Variants in SUN1 observed in about 807,000 individuals in gnomAD.
SUN1 encodes the protein Sad1 and UNC84 domain containing 1, also known as SUN domain-containing protein 1.
A neutral mutation model predicts 103.2 loss-of-function variants in SUN1; 61 were observed. That is an observed-to-expected ratio of 0.59 (90% CI 0.48 to 0.73). The LOEUF (loss-of-function observed/expected upper bound fraction) is 0.73. SUN1 is among the 30% of genes least tolerant of loss of function. The probability of loss-of-function intolerance (pLI) is 0.00; values close to 1 mark genes in which losing one functional copy is unlikely to be tolerated. For synonymous variants in SUN1, 490 were observed against 425.7 expected, an observed-to-expected ratio of 1.15 and a Z score of -1.86; for missense variants, 1,052 against 1,034.6, an observed-to-expected ratio of 1.02 and a Z score of -0.23.
At chr7:856,437 G>T (rs1435999968) in intron 12 of SUN1, 36 bp downstream of exon 12, 39 of 1,610,720 alleles carry the variant, frequency 2.4e-5, no homozygotes, top group Non-Finnish European at 3.2e-5. Context: ...TTTTGTCTTC[G>T]GTGTGTGTGT....
intron 5 of SUN1, chr7:850,296 TC>T: frequency 2.3e-6 from 1 of 426,354 alleles, no homozygotes; most frequent in East Asian, 4.8e-5. Context: ...CCTCCAGAGT[TC>T]AAGCAATTCT....
chr7:824,796 A>C (rs1183451135), intron 1 of SUN1, among the ~76,000 whole-genome samples: 1 of 151,360 alleles, frequency 6.6e-6, no homozygotes, highest in East Asian at 2.0e-4. Flanking sequence ...GCTAGGAACT[A>C]TCTGTCGATA....
chr7:850,811 C>G (rs1434768100), intron 5 of SUN1: 2 of 148,478 alleles, frequency 1.3e-5, no homozygotes, highest in East Asian at 3.9e-4. Flanking sequence ...AAACAGATTT[C>G]ATGAGCAGTT....
rs373518804 is a variant in SUN1, at chr7:869,487, A to G, written c.2119A>G (p.Ser707Gly). Residue 707 changes from serine to glycine, a missense_variant, in exon 17 of 19, where the codon AGC (serine) becomes GGC (glycine). By Grantham distance (56) the Ser-to-Gly change is moderately conservative. Around this residue, in one of 2 missense-constraint regions of SUN1, gnomAD observed 206 missense variants for 260.1 expected, o/e 0.79. Coordinates refer to ENST00000401592, the MANE Select transcript of SUN1 (RefSeq NM_001130965.3). The part of the protein sequence containing the change: ...PKTLSPTGNI[S>G]SAPKDFAVYG... ...GACGCTGTCGCCAACAGGCAACATCAGCAGCGCCCCCAAGGACTTCGCCGT... is the reference window on the plus strand; with the variant it reads ...GACGCTGTCGCCAACAGGCAACATCGGCAGCGCCCCCAAGGACTTCGCCGT... 3.7e-6 allele frequency: 6 copies of G among 1,613,824 alleles called. No homozygotes were observed. The highest frequency in any genetic ancestry group is 5.1e-6 in the Non-Finnish European group (6 of 1,179,830).
At chr7:850,599 A>C (rs1029444701) in intron 5 of SUN1, 4 of 153,674 alleles carry the variant, frequency 2.6e-5, no homozygotes, top group African/African-American at 9.7e-5. Flanking sequence ...TGTTGTAATT[A>C]CATAGTTGCA....
chr7:857,736 G>C, intron 12 of SUN1, 92 bp from the exon 13 acceptor site: 1 of 1,413,068 alleles, frequency 7.1e-7, no homozygotes, highest in Non-Finnish European at 9.3e-7. Context: ...ACACCCAGGA[G>C]TGGGATCGGG....
At chr7:822,788 T>G (rs1442459795) in intron 1 of SUN1, among the ~76,000 whole-genome samples, 2 of 152,194 alleles carry the variant, frequency 1.3e-5, no homozygotes, top group Non-Finnish European at 2.9e-5. Context: ...ACATACCTGT[T>G]CCGGTTAGAC....
intron 5 of SUN1, 197 bp downstream of exon 5, chr7:843,717 T>G (rs1200476862): frequency 7.0e-7 from 1 of 1,430,922 alleles, no homozygotes. Flanking sequence ...AGTAATTTTG[T>G]ACCTAAAAGT....
chr7:842,683 G>C (rs993106823), intron 3 of SUN1: 1 of 191,338 alleles, frequency 5.2e-6, no homozygotes, highest in Admixed American at 5.4e-5. Context: ...TGCATGGAGA[G>C]GGAAGCATGG....
intron 5 of SUN1, among the ~76,000 whole-genome samples, chr7:845,511 A>G (rs150966745): frequency 1.3e-5 from 2 of 152,238 alleles, no homozygotes; most frequent in Non-Finnish European, 2.9e-5. Flanking sequence ...AAAGAAGAAA[A>G]TAAAAATCAC....
chr7:819,682 T>A (rs1784159033), intron 1 of SUN1, among the ~76,000 whole-genome samples: 1 of 151,840 alleles, frequency 6.6e-6, no homozygotes, highest in African/African-American at 2.4e-5. Flanking sequence ...GTTCTGCAGG[T>A]CTGTATGTTT....
At chr7:846,507 T>A (rs935534917) in intron 5 of SUN1, among the ~76,000 whole-genome samples, 3 of 151,544 alleles carry the variant, frequency 2.0e-5, no homozygotes, top group African/African-American at 7.3e-5. Context: ...CCCAGGAGGT[T>A]GAGGCTGCAG....
upstream of SUN1, among the ~76,000 whole-genome samples, chr7:831,345 C>T (rs1192294957): frequency 2.6e-5 from 4 of 150,970 alleles, no homozygotes; most frequent in Non-Finnish European, 5.9e-5. Context: ...GATCTCGGCT[C>T]ACTGCAAGCT....
chr7:872,165 G>A (rs1470586492), intron 17 of SUN1, among the ~76,000 whole-genome samples: 4 of 152,224 alleles, frequency 2.6e-5, no homozygotes, highest in Non-Finnish European at 5.9e-5. Flanking sequence ...CATGGTCTGT[G>A]TGTCCGGCGG....
chr7:872,667 T>G (rs1670904262), intron 18 of SUN1, 105 bp downstream of exon 18: 2 of 870,632 alleles, frequency 2.3e-6, no homozygotes, highest in African/African-American at 3.4e-5. Context: ...GTGAGGACCA[T>G]CCTTTGAAAA....
At chr7:856,450 G>A (rs1562742864) in intron 12 of SUN1, 49 bp downstream of exon 12, 1 of 1,601,726 alleles carries the variant, frequency 6.2e-7, no homozygotes, top group Admixed American at 1.7e-5. Flanking sequence ...GTGTGTGTGT[G>A]GTTATGTGGA....
chr7:851,547 C>CGA (rs1822153372), intron 6 of SUN1, 65 bp downstream of exon 6: 1 of 1,326,370 alleles, frequency 7.5e-7, no homozygotes, highest in South Asian at 1.3e-5. Context: ...CACCTGCACT[C>CGA]GATTTACCTA....
rs368333285 is a variant in SUN1, at chr7:872,548, A to G, written c.2227A>G (p.Met743Val). The G allele has an allele frequency of 6.6e-5, 105 of 1,590,394 alleles. No homozygotes were observed. The highest frequency in any genetic ancestry group is 2.0e-4 in the Admixed American group (11 of 56,408). ...TYDQDGESLQ[M>V]FQALKRPDDT... The stretch of plus-strand genomic sequence containing the variant: ...TGATCAGGATGGGGAGTCGCTCCAG[A>G]TGTTCCAGGCCCTGGTAAGAACTGG... The change falls in exon 18 of 19, where the codon ATG becomes GTG. Residue 743 changes from methionine to valine, a missense_variant. By Grantham distance (21) the Met-to-Val change is conservative (BLOSUM62 1). Coordinates refer to ENST00000401592, the MANE Select transcript of SUN1 (RefSeq NM_001130965.3).
At chr7:817,480 C>T in intron 1 of SUN1, 1 of 1,536,002 alleles carries the variant, frequency 6.5e-7, no homozygotes, top group Non-Finnish European at 8.7e-7. Flanking sequence ...CTCCCGGCTC[C>T]CCAGGGCTCC....
Sources: gnomAD v4.1 joint callset for allele counts (sites outside exome capture counted in the v4.1 genomes callset) on GRCh38, gnomAD v4.1.1 for gene constraint, gnomAD v4.1.1 regional missense constraint, MANE v1.5 for transcripts, NCBI Gene and HGNC (gene_info 2026-07-23, HGNC 2026-07-21) for gene names.